The following MGAT5 variants were observed in gnomAD, a reference collection of about 807,000 sequenced individuals.
MGAT5 encodes the protein alpha-1,6-mannosylglycoprotein 6-beta-N-acetylglucosaminyltransferase, also known as alpha-1,6-mannosylglycoprotein 6-beta-N-acetylglucosaminyltransferase A.
In MGAT5, 30 loss-of-function variants were observed where a neutral mutation model predicts 94.3. The ratio of observed to expected loss-of-function variants is 0.32; its 90% CI spans 0.24 to 0.43. The LOEUF is 0.43. Ranked by LOEUF, MGAT5 falls within the 20% of genes least tolerant of loss-of-function variation. The pLI is 1.00. For synonymous variants in MGAT5, 310 were observed against 322.9 expected (o/e 0.96, Z 0.43); for missense variants, 691 against 905.5 (o/e 0.76, Z 3.04).
At chr2:134,351,939 A>C (rs910620120) in intron 9 of MGAT5, among the ~76,000 whole-genome samples, 1 of 152,218 alleles carries the variant, frequency 6.6e-6, no homozygotes, top group African/African-American at 2.4e-5. Flanking sequence ...TGCTCTGAAC[A>C]TATGGAAAGA....
At chr2:134,316,874 C>A (rs1430462529) in intron 2 of MGAT5, among the ~76,000 whole-genome samples, 3 of 152,074 alleles carry the variant, frequency 2.0e-5, no homozygotes, top group Admixed American at 6.5e-5. Flanking sequence ...CCTACAGTTA[C>A]AAGGAATAGG....
chr2:134,302,379 A>G (rs1686070273), intron 2 of MGAT5, among the ~76,000 whole-genome samples: 2 of 152,166 alleles, frequency 1.3e-5, no homozygotes. Flanking sequence ...TAAAGGCCTT[A>G]AATCTCACTA....
In MGAT5 at chr2:134,379,741, T is replaced by C. The variant is rs113183399; in HGVS notation, c.1380+17333T>C. On this transcript the variant is annotated intron_variant, in intron 10 of 15. Coordinates refer to ENST00000281923, the MANE Select transcript of MGAT5 (RefSeq NM_002410.5). ...GTACAAAATACATATTTCAAGAGAA[T>C]AAAATGTGAACGTTTGGATGGAAGT... is the stretch of plus-strand genomic sequence containing the variant. Among the ~76,000 whole-genome samples, 182 of 152,340 alleles carry C rather than the reference T, an allele frequency of 1.2e-3. 2 individuals carry two copies. Among genetic ancestry groups the C allele is most frequent in the African/African-American group, 4.2e-3 (174 of 41,572 alleles).
At chr2:134,297,463 ACTC>A (rs1685745132) in intron 2 of MGAT5, among the ~76,000 whole-genome samples, 1 of 152,108 alleles carries the variant, frequency 6.6e-6, no homozygotes, top group South Asian at 2.1e-4. Context: ...CAGACCATGA[ACTC>A]CTATAAACAC....
intron 1 of MGAT5, among the ~76,000 whole-genome samples, chr2:134,138,144 G>T (rs1166311477): frequency 3.3e-5 from 5 of 151,870 alleles, no homozygotes; most frequent in Non-Finnish European, 5.9e-5. Flanking sequence ...AGGTGAGTCT[G>T]ACCTAGGCCT....
intron 2 of MGAT5, among the ~76,000 whole-genome samples, chr2:134,275,006 T>G (rs13392447): frequency 6.6e-6 from 1 of 152,316 alleles, no homozygotes; most frequent in South Asian, 2.1e-4. Flanking sequence ...GAAGTGCAAT[T>G]TCCCCCTCTT....
intron 1 of MGAT5, among the ~76,000 whole-genome samples, chr2:134,171,074 TG>T (rs1483152100): frequency 6.6e-6 from 1 of 152,190 alleles, no homozygotes; most frequent in African/African-American, 2.4e-5. Flanking sequence ...TTGGCCAGGC[TG>T]GTTTTAAACT....
intron 9 of MGAT5, among the ~76,000 whole-genome samples, chr2:134,358,449 C>T (rs1157379396): frequency 6.6e-6 from 1 of 152,028 alleles, no homozygotes; most frequent in African/African-American, 2.4e-5. Context: ...AAAGGAAAAG[C>T]GTGTTTATTG....
At chr2:134,333,776 A>G (rs1241964454) in intron 4 of MGAT5, among the ~76,000 whole-genome samples, 2 of 152,096 alleles carry the variant, frequency 1.3e-5, no homozygotes, top group Non-Finnish European at 2.9e-5. Context: ...TGGTGTTCTT[A>G]TTTAGGAAAA....
chr2:134,175,155 T>G (rs2139305), intron 1 of MGAT5, among the ~76,000 whole-genome samples: 25,992 of 152,280 alleles, frequency 0.17, 2,376 homozygotes, highest in South Asian at 0.22. Context: ...CTGCTGCATC[T>G]AATCAGGATT....
rs781639003 is a variant in MGAT5, at chr2:134,318,669, G to T, written c.503G>T (p.Arg168Leu). The T allele has an allele frequency of 1.2e-6, 2 of 1,613,224 alleles. No homozygotes were observed. The highest frequency in any genetic ancestry group is 3.3e-5 in the Admixed American group (2 of 59,986). Residue 168 changes from arginine (R) to leucine (L), a missense_variant, in exon 4 of 16, where the codon CGT (arginine) becomes CTT (leucine). By Grantham distance (102) the Arg-to-Leu change is moderately radical. Coordinates refer to ENST00000281923, the MANE Select transcript of MGAT5 (RefSeq NM_002410.5). ...TTTCAGTGGATGAAAGACATGTGGC[G>T]TTCAGATCCCTGCTACGCAGACTAT... Reference protein sequence around the residue: ...GKIKWMKDMWRSDPCYADYGV... With the variant: ...GKIKWMKDMWLSDPCYADYGV...
rs1426366227 is a variant in MGAT5, at chr2:134,450,523, C to G, written c.*1676C>G. 1.3e-5 allele frequency: 2 copies of G among 152,360 alleles called. No individual in the cohort carries two copies. The highest frequency in any genetic ancestry group is 2.9e-5 in the Non-Finnish European group (2 of 68,058). The allele number at this position is 152,360 out of a possible 1,614,324, so 9.4% of individuals were successfully genotyped here. ...CTTTCTCAATTGCTACACAAATGTG[C>G]AGCCAGCCTTTTTTCTTAGGCCCAC... On this transcript the variant is annotated 3_prime_UTR_variant, in exon 16 of 16. Coordinates refer to ENST00000281923, the MANE Select transcript of MGAT5 (RefSeq NM_002410.5).
intron 10 of MGAT5, among the ~76,000 whole-genome samples, chr2:134,363,903 G>A (rs192197823): frequency 6.6e-6 from 1 of 152,348 alleles, no homozygotes; most frequent in East Asian, 1.9e-4. Context: ...GGCATATTGG[G>A]TGTTCTCATG....
At chr2:134,291,892 C>G (rs1325698089) in intron 2 of MGAT5, among the ~76,000 whole-genome samples, 3 of 152,166 alleles carry the variant, frequency 2.0e-5, no homozygotes, top group African/African-American at 7.2e-5. Flanking sequence ...AGTGCTTCGT[C>G]TCTCCCTTTA....
At chr2:134,427,988 C>T (rs1684681771) in intron 13 of MGAT5, among the ~76,000 whole-genome samples, 1 of 152,226 alleles carries the variant, frequency 6.6e-6, no homozygotes, top group African/African-American at 2.4e-5. Context: ...GATGACCCAA[C>T]AGCATGGACT....
chr2:134,140,075 G>A (rs1352590189), intron 1 of MGAT5, among the ~76,000 whole-genome samples: 1 of 152,220 alleles, frequency 6.6e-6, no homozygotes, highest in Non-Finnish European at 1.5e-5. Context: ...AGCAGGACCT[G>A]GAGAGGCACT....
rs572107378 is a variant in MGAT5 at position 134,164,240 on chromosome 2, T to C, written c.-143+43949T>C. 3.3e-5 allele frequency among the ~76,000 whole-genome samples: 5 copies of C among 152,362 alleles called. No homozygotes were observed. In the East Asian group the frequency reaches 5.8e-4, roughly 18 times the overall value. ...CAGTTGTCCCCAGGGGAACTGAGGC[T>C]GTTTTCTAGCCTGCTGTCATTGTCA... On this transcript the variant is annotated intron_variant, in intron 1 of 16. Coordinates refer to the MGAT5 transcript ENST00000409645.
At position 134,193,713 on chromosome 2, in the gene MGAT5, G is replaced by A. The variant is rs1679353271; in HGVS notation, c.-142-60549G>A. On this transcript the variant is annotated intron_variant, in intron 1 of 16. Transcript: ENST00000409645. Reference sequence around the variant, plus strand: ...TGTGTGTGTGTGTGTGTGTGTGTGTGTGTGTGTGTGTGTGTTTTGACAAGT... The same window carrying A: ...TGTGTGTGTGTGTGTGTGTGTGTGTATGTGTGTGTGTGTGTTTTGACAAGT... Among the ~76,000 whole-genome samples, 7 of 147,374 alleles carry A rather than the reference G, an allele frequency of 4.7e-5. No homozygotes were observed. The South Asian group carries it at 1.3e-3, about 27-fold the overall frequency.
intron 1 of MGAT5, among the ~76,000 whole-genome samples, chr2:134,213,273 C>T (rs1378834835): frequency 6.6e-6 from 1 of 152,172 alleles, no homozygotes; most frequent in Non-Finnish European, 1.5e-5. Context: ...AGATACTGGA[C>T]TGGCTTTGCA....
Sources: gnomAD v4.1 joint callset for allele counts (sites outside exome capture counted in the v4.1 genomes callset) on GRCh38, gnomAD v4.1.1 for gene constraint, MANE v1.5 for transcripts, NCBI Gene and HGNC (gene_info 2026-07-23, HGNC 2026-07-21) for gene names.